The following ZDHHC21 variants were observed in gnomAD, a reference collection of about 807,000 sequenced individuals.
ZDHHC21 encodes zDHHC palmitoyltransferase 21, also known as palmitoyltransferase ZDHHC21.
In ZDHHC21, 15 loss-of-function variants were observed where a neutral mutation model predicts 34.6. That is an observed-to-expected ratio of 0.43 (90% CI 0.29 to 0.67). The LOEUF (loss-of-function observed/expected upper bound fraction) is 0.67, where lower values mean the gene tolerates loss of function less well. ZDHHC21 is among the 30% of genes least tolerant of loss of function. The probability of loss-of-function intolerance (pLI) is 0.14; values close to 1 mark genes in which losing one functional copy is unlikely to be tolerated. For synonymous variants in ZDHHC21, 142 were observed against 101.8 expected (o/e 1.40, Z -2.38); for missense variants, 344 against 327.7 (o/e 1.05, Z -0.38).
In ZDHHC21 at chr9:14,683,277, G is replaced by C. The variant is rs183218840; in HGVS notation, c.-175-3115C>G. On this transcript the variant is annotated intron_variant, in intron 2 of 9. Coordinates refer to ENST00000380916, the MANE Select transcript of ZDHHC21 (RefSeq NM_178566.6). ...GTTTTTTATTTTTTATTTTTGAAAA[G>C]ATCAACAAAATTGATAGACCGCTAG... 5.3e-5 allele frequency among the ~76,000 whole-genome samples: 8 copies of C among 152,014 alleles called. No individual in the cohort carries two copies. The East Asian group carries it at 1.5e-3, about 29-fold the overall frequency.
At chr9:14,632,787 G>C (rs1827585078) in intron 8 of ZDHHC21, among the ~76,000 whole-genome samples, 1 of 151,946 alleles carries the variant, frequency 6.6e-6, no homozygotes, top group Non-Finnish European at 1.5e-5. Context: ...CATGGTCAAA[G>C]GATTTCTCCA....
the ZDHHC21 span, among the ~76,000 whole-genome samples, chr9:14,605,936 G>A: frequency 4.1e-4 from 63 of 152,064 alleles, no homozygotes; most frequent in Admixed American, 1.0e-3. Flanking sequence ...CTACACTGGG[G>A]TTTATGAAAA....
intron 7 of ZDHHC21, among the ~76,000 whole-genome samples, chr9:14,658,189 T>C (rs1832635942): frequency 6.6e-6 from 1 of 152,188 alleles, no homozygotes; most frequent in African/African-American, 2.4e-5. Context: ...TAGATATTTT[T>C]AAACCAAGAC....
chr9:14,691,063 C>G (rs944651965), intron 1 of ZDHHC21, among the ~76,000 whole-genome samples: 4 of 152,154 alleles, frequency 2.6e-5, no homozygotes, highest in African/African-American at 9.7e-5. Context: ...CCCTCTTTTG[C>G]CTGGTAGTAT....
intron 1 of ZDHHC21, among the ~76,000 whole-genome samples, chr9:14,691,229 A>C (rs1014409009): frequency 2.6e-5 from 4 of 152,208 alleles, no homozygotes; most frequent in African/African-American, 9.6e-5. Flanking sequence ...GCAGGAGGAC[A>C]AACAATAAAC....
chr9:14,657,778 A>G (rs1002271960), intron 7 of ZDHHC21, among the ~76,000 whole-genome samples: 1 of 152,128 alleles, frequency 6.6e-6, no homozygotes, highest in Non-Finnish European at 1.5e-5. Context: ...TAACACCACT[A>G]AACTCTACTT....
intron 2 of ZDHHC21, among the ~76,000 whole-genome samples, chr9:14,681,730 G>GGTGTGTGTGT (rs34935934): frequency 0.025 from 3,693 of 148,532 alleles, 59 homozygotes; most frequent in Middle Eastern, 0.048. Context: ...TAAGGGGAAT[G>GGTGTGTGTGT]GTGTGTGTGT....
At position 14,657,876 on chromosome 9, in the gene ZDHHC21, G is replaced by A. The variant is rs536734489; in HGVS notation, c.504+873C>T. 5.9e-5 allele frequency among the ~76,000 whole-genome samples: 9 copies of A among 152,246 alleles called. No homozygotes were observed. In the South Asian group the frequency reaches 1.5e-3, roughly 25 times the overall value. The stretch of plus-strand genomic sequence containing the variant: ...TTATTAGGCTCAATTATTTGAAACA[G>A]ATTACTCCAGGGAATATGTACATTC... On this transcript the variant is annotated intron_variant, in intron 7 of 9. Coordinates refer to ENST00000380916, the MANE Select transcript of ZDHHC21 (RefSeq NM_178566.6).
the ZDHHC21 span, among the ~76,000 whole-genome samples, chr9:14,600,465 AAGG>A: frequency 6.6e-6 from 1 of 152,232 alleles, no homozygotes; most frequent in Non-Finnish European, 1.5e-5. Context: ...GGAACTCTTC[AAGG>A]AGAACTATAA....
At chr9:14,601,885 C>T in the ZDHHC21 span, among the ~76,000 whole-genome samples, 5 of 152,154 alleles carry the variant, frequency 3.3e-5, no homozygotes, top group African/African-American at 7.2e-5. Flanking sequence ...TCTCAGCAAA[C>T]GCTCACAGGA....
Position 14,618,942 on chromosome 9 carries a change from C to G in ZDHHC21, c.*24G>C. ...TAACGCATTGCCAGCATGGAGGACCCATCTGTGCCCACCATCCATCTGTTT... is the reference window on the plus strand; with the variant it reads ...TAACGCATTGCCAGCATGGAGGACCGATCTGTGCCCACCATCCATCTGTTT... On this transcript the variant is annotated 3_prime_UTR_variant, in exon 10 of 10. Coordinates refer to ENST00000380916, the MANE Select transcript of ZDHHC21 (RefSeq NM_178566.6). 6.4e-7 allele frequency: 1 copy of G among 1,572,622 alleles called. No homozygotes were observed.
intron 5 of ZDHHC21, 105 bp downstream of exon 5, chr9:14,672,725 G>C: frequency 1.4e-6 from 1 of 713,768 alleles, no homozygotes; most frequent in Non-Finnish European, 2.2e-6. Context: ...CATCAAAGTG[G>C]TGTTAGATGA....
chr9:14,653,611 T>C (rs1469044365), intron 7 of ZDHHC21, among the ~76,000 whole-genome samples: 12 of 151,884 alleles, frequency 7.9e-5, no homozygotes, highest in Admixed American at 7.9e-4. Context: ...GGTTAATCTC[T>C]ATCTCACCTA....
intron 6 of ZDHHC21, among the ~76,000 whole-genome samples, chr9:14,659,480 G>A (rs1169010248): frequency 6.6e-6 from 1 of 152,088 alleles, no homozygotes; most frequent in Non-Finnish European, 1.5e-5. Context: ...ACCCTAACTA[G>A]GAAAGAGGAT....
chr9:14,639,955 T>C lies in ZDHHC21; in HGVS notation c.562A>G (p.Ile188Val). 2.5e-6 allele frequency: 4 copies of C among 1,610,026 alleles called. No individual in the cohort carries two copies. Among genetic ancestry groups the C allele is most frequent in the Non-Finnish European group, 3.4e-6 (4 of 1,177,646 alleles). ...CCAGTTATTCCAACTAACATAGTAA[T>C]GCCCATAAAGGCTGCTAGTCTCATT... ...AIMRLAAFMG[I>V]TMLVGITGLF... is the part of the protein sequence containing the mutation. The change falls in exon 8 of 10, where the codon ATT becomes GTT. Residue 188 changes from isoleucine (I) to valine (V), a missense_variant. Coordinates refer to ENST00000380916, the MANE Select transcript of ZDHHC21 (RefSeq NM_178566.6).
At chr9:14,690,284 C>T in intron 2 of ZDHHC21, 53 bp downstream of exon 2, 1 of 441,672 alleles carries the variant, frequency 2.3e-6, no homozygotes, top group Non-Finnish European at 4.5e-6. Context: ...CAGGCTTTAC[C>T]AAAGCAGCCA....
intron 2 of ZDHHC21, among the ~76,000 whole-genome samples, chr9:14,685,667 C>G (rs1263172812): frequency 2.0e-5 from 3 of 152,158 alleles, no homozygotes; most frequent in Non-Finnish European, 4.4e-5. Flanking sequence ...GGATCTAGAA[C>G]TAGAAATACC....
intron 5 of ZDHHC21, among the ~76,000 whole-genome samples, chr9:14,665,319 G>A (rs568934921): frequency 7.3e-6 from 1 of 137,902 alleles, no homozygotes; most frequent in African/African-American, 2.7e-5. Flanking sequence ...AAAGAAATGA[G>A]CAAAGCCTCC....
intron 2 of ZDHHC21, among the ~76,000 whole-genome samples, chr9:14,689,172 A>C (rs1205328314): frequency 6.6e-6 from 1 of 152,260 alleles, no homozygotes; most frequent in Non-Finnish European, 1.5e-5. Context: ...TACTAGCTGA[A>C]GTTGTATTTC....
Sources: allele counts gnomAD v4.1 joint callset (sites outside exome capture counted in the v4.1 genomes callset), GRCh38; gene constraint gnomAD v4.1.1; transcripts MANE v1.5; gene names NCBI Gene and HGNC (gene_info 2026-07-23, HGNC 2026-07-21).